CHRNE: variants seen among roughly 807,000 people sequenced by gnomAD.
CHRNE encodes acetylcholine receptor subunit epsilon.
A neutral mutation model predicts 56.5 loss-of-function variants in CHRNE; 58 were observed. The ratio of observed to expected loss-of-function variants is 1.03; its 90% confidence interval spans 0.83 to 1.28. The LOEUF is 1.28. CHRNE is among the 50% of genes most tolerant of loss of function. The pLI is 0.00. For synonymous variants in CHRNE, 385 were observed against 297.9 expected (o/e 1.29, Z -3.01); for missense variants, 793 against 688.9 (o/e 1.15, Z -1.69).
Position 4,899,468 on chromosome 17 carries a change from G to T in CHRNE, c.1032C>A (p.His344Gln), listed in dbSNP as rs144047383. ...GCTGCACCGCCCCCTCCGCGCTTACGTGGCGCAGCCGCGGGGACATGGCGT... is the reference window on the plus strand; with the variant it reads ...GCTGCACCGCCCCCTCCGCGCTTACTTGGCGCAGCCGCGGGGACATGGCGT... ...TTHAMSPRLRHVLLELLPRLL... is the reference protein window; with the variant it reads ...TTHAMSPRLRQVLLELLPRLL... Residue 344 changes from histidine to glutamine, a missense_variant and splice_region_variant, in exon 9 of 12, where the codon CAC (histidine) becomes CAA (glutamine). Physicochemically the swap from His to Gln is conservative, Grantham distance 24 (BLOSUM62 0). Transcript: ENST00000649488. 1 of 1,588,006 alleles carries T rather than the reference G, an allele frequency of 6.3e-7. No individual in the cohort carries two copies.
In CHRNE at chr17:4,898,628, C is replaced by T. The variant is rs1969809093; in HGVS notation, c.*108G>A. On this transcript the variant is annotated 3_prime_UTR_variant, in exon 12 of 12. Transcript: ENST00000649488. ...CCATTCTTGTGAAGTTCACAAACTG[C>T]AGATTGATCAGCAGGGGGAAGGGAT... 5.6e-6 allele frequency: 8 copies of T among 1,421,736 alleles called. No homozygotes were observed. In the Admixed American group the frequency reaches 5.9e-5, roughly 11 times the overall value. The allele number at this position is 1,421,736 out of a possible 1,614,324, so 88.1% of individuals were successfully genotyped here.
chr17:4,908,454 T>C (rs58493373), intron 1 of CHRNE, among the ~76,000 whole-genome samples: 3,289 of 152,070 alleles, frequency 0.022, 100 homozygotes, highest in African/African-American at 0.067. Context: ...TTCCTGCCAG[T>C]GCTGGGAGCA....
At chr17:4,899,144 TCCCCCCTGGCAGGCACCCCGCGCGG>T (rs1323340754) in intron 10 of CHRNE, 29 bp downstream of exon 10, 4 of 1,595,734 alleles carry the variant, frequency 2.5e-6, no homozygotes, top group Non-Finnish European at 3.4e-6. Context: ...CTTAGGAGCC[TCCCCCCTGGCAGGCACCCCGCGCGG>T]CCCCCCGGGC....
Position 4,898,531 on chromosome 17 carries a change from T to C in CHRNE, c.*205A>G. Reference sequence around the variant, plus strand: ...TCTGGAAGACTGGCACCTGAGAGCCTATGTGAACCCTTTCCTCCTGCTGAC... The same window carrying C: ...TCTGGAAGACTGGCACCTGAGAGCCCATGTGAACCCTTTCCTCCTGCTGAC... On this transcript the variant is annotated 3_prime_UTR_variant, in exon 12 of 12. Coordinates refer to ENST00000649488, the MANE Select transcript of CHRNE (RefSeq NM_000080.4). 1.5e-6 allele frequency: 1 copy of C among 650,438 alleles called. No homozygotes were observed. The highest frequency in any genetic ancestry group is 2.6e-5 in the Admixed American group (1 of 38,996). The allele number at this position is 650,438 out of a possible 1,614,324, so 40.3% of individuals were successfully genotyped here. A position where few individuals can be genotyped will look rare whatever the true frequency, so the allele number is the denominator to read the frequency against.
upstream of CHRNE, among the ~76,000 whole-genome samples, chr17:4,907,227 G>C (rs1468339093): frequency 6.7e-6 from 1 of 149,940 alleles, no homozygotes. Flanking sequence ...ATAAATGATT[G>C]GGGGAATTAA....
chr17:4,905,359 G>A (rs577439879), upstream of CHRNE, among the ~76,000 whole-genome samples: 1 of 151,236 alleles, frequency 6.6e-6, no homozygotes, highest in South Asian at 2.1e-4. Context: ...GACCAGCCTG[G>A]GCAACACAGT....
upstream of CHRNE, among the ~76,000 whole-genome samples, chr17:4,906,465 C>A (rs543605257): frequency 6.6e-6 from 1 of 152,206 alleles, no homozygotes; most frequent in African/African-American, 2.4e-5. Context: ...AACTTGAAAT[C>A]TTGCTTCAAA....
Position 4,898,778 on chromosome 17 carries a change from G to C in CHRNE, c.1440C>G (p.Asn480Lys). ...SSLIFLGAYF[N>K]RVPDLPYAPC... ...GCGCGTAGGGGAGATCAGGCACTCG[G>C]TTGAAGTAGGCCCCGAGGAAGATGA... The change falls in exon 12 of 12, where the codon AAC (asparagine) becomes AAG (lysine). Residue 480 changes from asparagine to lysine, a missense_variant. By Grantham distance (94) the Asn-to-Lys change is moderately conservative (BLOSUM62 0). Transcript: ENST00000649488. 1.9e-6 allele frequency: 3 copies of C among 1,610,100 alleles called. No individual in the cohort carries two copies. The highest frequency in any genetic ancestry group is 1.7e-4 in the Middle Eastern group (1 of 6,058).
upstream of CHRNE, among the ~76,000 whole-genome samples, chr17:4,903,785 C>G (rs995508418): frequency 1.3e-5 from 2 of 152,170 alleles, no homozygotes; most frequent in African/African-American, 4.8e-5. Flanking sequence ...TCCCATCCTA[C>G]TCTCCTAAAC....
chr17:4,907,343 C>A (rs1219022363), upstream of CHRNE, among the ~76,000 whole-genome samples: 1 of 151,688 alleles, frequency 6.6e-6, no homozygotes, highest in African/African-American at 2.4e-5. Context: ...GCGGGCGGAT[C>A]ACGAGGTCAG....
intron 6 of CHRNE, 154 bp downstream of exon 6, chr17:4,901,371 G>GT (rs746438309): frequency 2.0e-4 from 192 of 938,296 alleles, no homozygotes; most frequent in Non-Finnish European, 3.0e-4. Flanking sequence ...CAGGACTAGA[G>GT]TAACAATCGA....
rs746772722 is a variant in CHRNE at position 4,900,994 on chromosome 17, C to G, written c.798G>C (p.Ala266=). The change falls in exon 7 of 12, where the codon GCG becomes GCC. Residue 266 remains alanine, a synonymous_variant. Coordinates refer to ENST00000649488, the MANE Select transcript of CHRNE (RefSeq NM_000080.4). Reference sequence around the variant, plus strand: ...AGGTTCGGGGCCACTGCTTACCCTGCGCCGGCAGGAAGTAGGCGAGCAGCA... The same window carrying G: ...AGGTTCGGGGCCACTGCTTACCCTGGGCCGGCAGGAAGTAGGCGAGCAGCA... ...GLVLLAYFLP[A]QAGGQKCTVS... is the part of the protein sequence containing the mutation. 1 of 1,613,938 alleles carries G rather than the reference C, an allele frequency of 6.2e-7. No individual in the cohort carries two copies. The highest frequency in any genetic ancestry group is 1.1e-5 in the South Asian group (1 of 91,086).
chr17:4,902,840 G>A lies in CHRNE; in HGVS notation c.47-77C>T. 1 of 1,604,380 alleles carries A rather than the reference G, an allele frequency of 6.2e-7. No homozygotes were observed. The highest frequency in any genetic ancestry group is 1.7e-5 in the Admixed American group (1 of 59,990). ...CCTCTCTCCCCTCTGCCTCCCCTGGGTCCTCACAGGCCTCTGAGGCTGTGT... is the reference window on the plus strand; with the variant it reads ...CCTCTCTCCCCTCTGCCTCCCCTGGATCCTCACAGGCCTCTGAGGCTGTGT... On this transcript the variant is annotated intron_variant, in intron 1 of 11. Transcript: ENST00000649488. The surrounding 1 kb of genome is among the most constrained non-coding windows in gnomAD (Gnocchi z 4.0).
rs958190024 is a variant in CHRNE at position 4,899,519 on chromosome 17, G to T, written c.981C>A (p.Asn327Lys). The change falls in exon 9 of 12, where the codon AAC (asparagine) becomes AAA (lysine). Residue 327 changes from asparagine to lysine, a missense_variant. Physicochemically the swap from Asn to Lys is moderately conservative, Grantham distance 94. Coordinates refer to ENST00000649488, the MANE Select transcript of CHRNE (RefSeq NM_000080.4). ...LIVMNCVIVL[N>K]VSQRTPTTHA... ...GGGTGGTGGGCGTCCGCTGGGACAC[G>T]TTGAGCACGATGACGCAATTCATGA... 5 of 1,604,844 alleles carry T rather than the reference G, an allele frequency of 3.1e-6. No individual in the cohort carries two copies. Among genetic ancestry groups the T allele is most frequent in the Non-Finnish European group, 4.2e-6 (5 of 1,176,892 alleles).
At position 4,899,031 on chromosome 17, in the gene CHRNE, C is replaced by T. The variant is rs759230979; in HGVS notation, c.1296G>A (p.Glu432=). 3 of 1,610,226 alleles carry T rather than the reference C, an allele frequency of 1.9e-6. No homozygotes were observed. In the Admixed American group the frequency reaches 5.0e-5, roughly 27 times the overall value. The change falls in exon 11 of 12, where the codon GAG becomes GAA. Residue 432 remains glutamate (E), a synonymous_variant. Transcript: ENST00000649488. The part of the protein sequence containing the change: ...CCVDAVNFVA[E]STRDQEATGE... Reference sequence around the variant, plus strand: ...CGGTGGCCTCCTGATCTCTCGTGCTCTCGGCCACGAAGTTCACGGCATCCA... The same window carrying T: ...CGGTGGCCTCCTGATCTCTCGTGCTTTCGGCCACGAAGTTCACGGCATCCA...
intron 8 of CHRNE, chr17:4,900,505 C>T (rs1969945753): frequency 6.4e-7 from 1 of 1,550,946 alleles, no homozygotes; most frequent in Middle Eastern, 1.7e-4. Context: ...CCCGGAGAAC[C>T]GGTGAGCTCA....
intron 6 of CHRNE, 28 bp downstream of exon 6, chr17:4,901,497 G>C (rs779718682): frequency 1.2e-6 from 2 of 1,605,552 alleles, no homozygotes; most frequent in Non-Finnish European, 8.5e-7. Context: ...TCTAGAAGCG[G>C]GTTTTTCTGA....
intron 8 of CHRNE, 171 bp downstream of exon 8, chr17:4,900,622 C>A: frequency 6.6e-7 from 1 of 1,506,684 alleles, no homozygotes; most frequent in Non-Finnish European, 9.0e-7. Context: ...CGTCCAGCAG[C>A]AGTGAGGAGG....
chr17:4,902,604 G>A lies in CHRNE; in HGVS notation c.189+17C>T. On this transcript the variant is annotated intron_variant, in intron 2 of 11. Coordinates refer to ENST00000649488, the MANE Select transcript of CHRNE (RefSeq NM_000080.4). This position sits in a 1 kb window ranked among gnomAD's most constrained non-coding sequence, Gnocchi z 4.0. ...AAGTGGGATTTTTGGCTTAAGATGA[G>A]GGTGGGGGTAGCTTACCAGTGAGAT... 1 of 1,614,158 alleles carries A rather than the reference G, an allele frequency of 6.2e-7. No homozygotes were observed. Among genetic ancestry groups the A allele is most frequent in the Non-Finnish European group, 8.5e-7 (1 of 1,180,034 alleles).
Sources: allele counts gnomAD v4.1 joint callset (sites outside exome capture counted in the v4.1 genomes callset), GRCh38; gene constraint gnomAD v4.1.1; non-coding constraint Gnocchi (gnomAD v3.1); transcripts MANE v1.5; gene names NCBI Gene and HGNC (gene_info 2026-07-23, HGNC 2026-07-21).